GRID2: variants seen among roughly 807,000 people sequenced by gnomAD.
GRID2 encodes glutamate ionotropic receptor delta type subunit 2, also known as glutamate receptor ionotropic, delta-2.
GRID2 carries 33 observed loss-of-function variants against 114.8 expected under a neutral mutation model. The ratio of observed to expected loss-of-function variants is 0.29; its 90% confidence interval spans 0.22 to 0.38. The LOEUF is 0.38. Ranked by LOEUF, GRID2 falls within the 10% of genes least tolerant of loss-of-function variation. GRID2 has a pLI of 1.00. For synonymous variants in GRID2, 505 were observed against 449.9 expected (o/e 1.12, Z -1.55); for missense variants, 1,184 against 1,257.7 (o/e 0.94, Z 0.89).
intron 2 of GRID2, among the ~76,000 whole-genome samples, chr4:92,971,915 C>G (rs946264972): frequency 6.6e-6 from 1 of 152,084 alleles, no homozygotes; most frequent in Admixed American, 6.6e-5. Context: ...ATATGTACCA[C>G]ATTCTCTTTA....
intron 10 of GRID2, among the ~76,000 whole-genome samples, chr4:93,430,468 A>ACTGCGC (rs1380364392): frequency 2.2e-4 from 34 of 152,380 alleles, no homozygotes; most frequent in Admixed American, 2.0e-3. Flanking sequence ...GGCATGAGCC[A>ACTGCGC]CTGCGCCCTG....
chr4:93,075,923 A>G (rs1307598000), intron 2 of GRID2, among the ~76,000 whole-genome samples: 1 of 41,388 alleles, frequency 2.4e-5, no homozygotes, highest in Non-Finnish European at 4.7e-5. Context: ...TTTTTTTTTG[A>G]GATGGAGTCT....
chr4:93,795,998 T>C (rs919229769), intron 1 of GRID2, among the ~76,000 whole-genome samples: 3 of 152,164 alleles, frequency 2.0e-5, no homozygotes, highest in African/African-American at 7.2e-5. Flanking sequence ...GTTCACATGG[T>C]TGCTGGAAGA....
chr4:92,991,390 C>T (rs535778239), intron 2 of GRID2, among the ~76,000 whole-genome samples: 12 of 152,150 alleles, frequency 7.9e-5, no homozygotes, highest in African/African-American at 2.2e-4. Context: ...ATCAAACTGA[C>T]GATAAGTGTG....
At chr4:92,801,746 C>A (rs1476264314) in intron 2 of GRID2, among the ~76,000 whole-genome samples, 1 of 151,556 alleles carries the variant, frequency 6.6e-6, no homozygotes, top group South Asian at 2.1e-4. Context: ...CAGTGCAATG[C>A]TTAAATAGAT....
chr4:93,497,527 T>G (rs1043026518), intron 12 of GRID2, among the ~76,000 whole-genome samples: 2 of 151,882 alleles, frequency 1.3e-5, no homozygotes, highest in African/African-American at 4.8e-5. Context: ...CATTTTGAGT[T>G]AATTTTGTAT....
chr4:93,616,246 G>T (rs1741627941), intron 13 of GRID2, among the ~76,000 whole-genome samples: 2 of 152,058 alleles, frequency 1.3e-5, no homozygotes, highest in South Asian at 4.1e-4. Flanking sequence ...TCTTAGATAA[G>T]AAGTTTATAG....
intron 3 of GRID2, among the ~76,000 whole-genome samples, chr4:93,090,236 C>T (rs1209372582): frequency 6.6e-6 from 1 of 152,146 alleles, no homozygotes; most frequent in East Asian, 1.9e-4. Context: ...CAGGATTGAT[C>T]TCAACCATGC....
At chr4:93,436,875 A>G (rs1487862609) in intron 10 of GRID2, among the ~76,000 whole-genome samples, 1 of 152,174 alleles carries the variant, frequency 6.6e-6, no homozygotes, top group African/African-American at 2.4e-5. Flanking sequence ...ATCCGAAAGC[A>G]AATATATTGC....
At chr4:92,509,583 T>C (rs577035659) in intron 1 of GRID2, among the ~76,000 whole-genome samples, 1 of 152,002 alleles carries the variant, frequency 6.6e-6, no homozygotes, top group Admixed American at 6.6e-5. Context: ...CTAAATAAAA[T>C]ATAGAGTGTA....
At chr4:92,746,482 A>T (rs1000170315) in intron 2 of GRID2, among the ~76,000 whole-genome samples, 5 of 152,002 alleles carry the variant, frequency 3.3e-5, no homozygotes, top group Non-Finnish European at 7.4e-5. Context: ...GCTTTATAGG[A>T]GTATGTATTA....
intron 8 of GRID2, among the ~76,000 whole-genome samples, chr4:93,242,045 A>T (rs1051635421): frequency 2.0e-5 from 3 of 151,912 alleles, no homozygotes; most frequent in African/African-American, 7.2e-5. Flanking sequence ...ACCGGGGAAC[A>T]TCATTTTCCA....
intron 1 of GRID2, among the ~76,000 whole-genome samples, chr4:92,505,118 G>A (rs1320708222): frequency 6.6e-6 from 1 of 151,998 alleles, no homozygotes; most frequent in African/African-American, 2.4e-5. Flanking sequence ...ATAAACCATA[G>A]TGGCTTTTTG....
chr4:92,797,386 A>G (rs554242885), intron 2 of GRID2, among the ~76,000 whole-genome samples: 2 of 152,112 alleles, frequency 1.3e-5, no homozygotes, highest in East Asian at 1.9e-4. Flanking sequence ...GGAGTTGCCT[A>G]TGAAATTGTG....
chr4:92,986,528 C>G (rs1366003388), intron 2 of GRID2, among the ~76,000 whole-genome samples: 9 of 152,108 alleles, frequency 5.9e-5, no homozygotes, highest in South Asian at 2.1e-4. Context: ...TACTTCCTCC[C>G]AACCCTAGAA....
intron 2 of GRID2, among the ~76,000 whole-genome samples, chr4:92,820,345 G>A (rs972811790): frequency 3.3e-5 from 5 of 152,032 alleles, no homozygotes; most frequent in Non-Finnish European, 7.4e-5. Context: ...TAGATCTTAG[G>A]GATTCTAAAG....
At chr4:92,702,635 T>A (rs1274651276) in intron 2 of GRID2, 1 of 151,956 alleles carries the variant, frequency 6.6e-6, no homozygotes, top group African/African-American at 2.4e-5. Flanking sequence ...TAATTTTAAT[T>A]TCAGCCTCCT....
At chr4:92,519,502 G>A (rs1724665512) in intron 1 of GRID2, among the ~76,000 whole-genome samples, 1 of 151,386 alleles carries the variant, frequency 6.6e-6, no homozygotes, top group Non-Finnish European at 1.5e-5. Context: ...AAAGGCCATA[G>A]TCCTAATACC....
intron 1 of GRID2, among the ~76,000 whole-genome samples, chr4:92,473,452 A>G (rs1439234125): frequency 2.0e-5 from 3 of 152,094 alleles, no homozygotes; most frequent in Admixed American, 1.3e-4. Flanking sequence ...ATCCAGGACA[A>G]TGATAATAGA....
Sources: allele counts gnomAD v4.1 joint callset (sites outside exome capture counted in the v4.1 genomes callset), GRCh38; gene constraint gnomAD v4.1.1; transcripts MANE v1.5; gene names NCBI Gene and HGNC (gene_info 2026-07-23, HGNC 2026-07-21).